ARL15: variants seen among roughly 807,000 people sequenced by gnomAD.
ARL15 encodes the protein ADP-ribosylation factor-like protein 15.
In ARL15, 19 loss-of-function variants were observed where a neutral mutation model predicts 25.2. That is an observed-to-expected ratio of 0.75 (90% confidence interval 0.53 to 1.10). The LOEUF is 1.10. Ranked by LOEUF, ARL15 falls within the 50% of genes least tolerant of loss-of-function variation. The pLI is 0.00. For missense variants in ARL15, 220 were observed against 246.0 expected (o/e 0.89, Z 0.71); for synonymous variants, 94 against 86.8 (o/e 1.08, Z -0.46).
intron 3 of ARL15, among the ~76,000 whole-genome samples, chr5:54,114,444 C>T (rs940941921): frequency 4.2e-5 from 6 of 142,976 alleles, no homozygotes; most frequent in African/African-American, 1.6e-4. Context: ...TGGAGAGTCT[C>T]ATCAGCCAAG....
intron 4 of ARL15, among the ~76,000 whole-genome samples, chr5:54,036,263 A>G (rs1410327322): frequency 1.3e-5 from 2 of 152,214 alleles, no homozygotes; most frequent in Non-Finnish European, 2.9e-5. Context: ...TTACATGTTT[A>G]AAAGTGACTA....
intron 1 of ARL15, among the ~76,000 whole-genome samples, chr5:54,250,437 A>G (rs1757208808): frequency 6.6e-6 from 1 of 152,196 alleles, no homozygotes; most frequent in African/African-American, 2.4e-5. Flanking sequence ...GGAGAACAGG[A>G]AAGAGATCAG....
rs570798930 is a variant in ARL15 at position 54,269,237 on chromosome 5, TAAAA to T, written c.48+41191_48+41194del. On this transcript the variant is annotated intron_variant, in intron 1 of 4. Transcript: ENST00000504924. Reference sequence around the variant, plus strand: ...AAAGTATAATAAGAATAAAATAAAATAAAATAAAATAAAAGAACAAGCTCCTTTT... The same window carrying T: ...AAAGTATAATAAGAATAAAATAAAATTAAAATAAAAGAACAAGCTCCTTTT... 6.2e-3 allele frequency among the ~76,000 whole-genome samples: 950 copies of T among 152,066 alleles called. 7 individuals are homozygous for T. Among genetic ancestry groups the T allele is most frequent in the African/African-American group, 0.022 (909 of 41,468 alleles).
At position 53,928,715 on chromosome 5, in the gene ARL15, T is replaced by TC. The variant is rs1194758067; in HGVS notation, c.463-42003dup. ...AAAAATTTAACAAGGACATTGTTAT[T>TC]CCAGGAAGTGGCTGTCGGGTGATTG... On this transcript the variant is annotated intron_variant, in intron 4 of 4. Transcript: ENST00000504924. 3.9e-5 allele frequency among the ~76,000 whole-genome samples: 6 copies of TC among 152,308 alleles called. No homozygotes were observed. In the East Asian group the frequency reaches 1.2e-3, roughly 29 times the overall value.
intron 2 of ARL15, among the ~76,000 whole-genome samples, chr5:54,156,225 T>C (rs1430798624): frequency 1.3e-5 from 2 of 152,190 alleles, no homozygotes; most frequent in Non-Finnish European, 2.9e-5. Flanking sequence ...CAGTACATAG[T>C]ATATAATGTT....
chr5:54,024,049 A>G (rs1438054801), intron 4 of ARL15, among the ~76,000 whole-genome samples: 1 of 152,228 alleles, frequency 6.6e-6, no homozygotes, highest in Admixed American at 6.5e-5. Context: ...GTGGTGGATT[A>G]ATCACTCTGG....
At chr5:54,087,901 C>G (rs1289864736) in intron 4 of ARL15, among the ~76,000 whole-genome samples, 1 of 152,180 alleles carries the variant, frequency 6.6e-6, no homozygotes, top group East Asian at 1.9e-4. Flanking sequence ...GTCTTGAACT[C>G]CTGACCTCAA....
intron 1 of ARL15, among the ~76,000 whole-genome samples, chr5:54,281,370 C>T (rs1246699337): frequency 1.3e-5 from 2 of 152,176 alleles, no homozygotes; most frequent in Non-Finnish European, 2.9e-5. Flanking sequence ...AAACTCCTGA[C>T]CTCAGGTGAT....
chr5:54,005,207 TATTAA>T (rs1748986618), intron 4 of ARL15, among the ~76,000 whole-genome samples: 2 of 152,136 alleles, frequency 1.3e-5, no homozygotes, highest in South Asian at 4.2e-4. Context: ...CTAAGCAAAC[TATTAA>T]ATTAATGTCA....
chr5:54,021,596 A>G (rs1488779705), intron 4 of ARL15, among the ~76,000 whole-genome samples: 2 of 152,176 alleles, frequency 1.3e-5, no homozygotes, highest in African/African-American at 2.4e-5. Flanking sequence ...AAAGAGAAAA[A>G]GTCTAAAAAC....
intron 4 of ARL15, among the ~76,000 whole-genome samples, chr5:53,940,958 T>C (rs2112084627): frequency 6.6e-6 from 1 of 152,280 alleles, no homozygotes; most frequent in African/African-American, 2.4e-5. Flanking sequence ...TATTATATTG[T>C]CCATTAAAGC....
intron 4 of ARL15, among the ~76,000 whole-genome samples, chr5:53,949,760 T>C (rs1347838507): frequency 6.6e-6 from 1 of 152,216 alleles, no homozygotes; most frequent in African/African-American, 2.4e-5. Context: ...GATTCTATCA[T>C]AATCGCTCAG....
At chr5:54,262,348 A>T (rs928047611) in intron 1 of ARL15, among the ~76,000 whole-genome samples, 1 of 152,196 alleles carries the variant, frequency 6.6e-6, no homozygotes, top group African/African-American at 2.4e-5. Context: ...GAAGGCCCAG[A>T]TTATAAAATA....
At chr5:54,001,461 G>C (rs1364972215) in intron 4 of ARL15, among the ~76,000 whole-genome samples, 2 of 152,028 alleles carry the variant, frequency 1.3e-5, no homozygotes, top group African/African-American at 2.4e-5. Flanking sequence ...AAATCTATCT[G>C]GTTTCCAGAA....
At chr5:54,252,816 C>G (rs1757269344) in intron 1 of ARL15, among the ~76,000 whole-genome samples, 1 of 152,264 alleles carries the variant, frequency 6.6e-6, no homozygotes, top group East Asian at 1.9e-4. Context: ...CCTCTGCCTC[C>G]GGGCTCAAGC....
intron 1 of ARL15, among the ~76,000 whole-genome samples, chr5:54,223,536 G>A (rs1349627546): frequency 2.6e-5 from 4 of 152,034 alleles, no homozygotes; most frequent in African/African-American, 7.3e-5. Flanking sequence ...AAACTATTTG[G>A]CCCACTAGGC....
chr5:54,257,935 T>C (rs1389956244), intron 1 of ARL15, among the ~76,000 whole-genome samples: 1 of 152,096 alleles, frequency 6.6e-6, no homozygotes, highest in African/African-American at 2.4e-5. Flanking sequence ...TTGCAAAACA[T>C]ACTTAAGTGG....
intron 3 of ARL15, among the ~76,000 whole-genome samples, chr5:54,153,658 T>A (rs576984189): frequency 6.6e-6 from 1 of 152,284 alleles, no homozygotes; most frequent in African/African-American, 2.4e-5. Flanking sequence ...GAAGCGAACC[T>A]GTCCTACACA....
intron 4 of ARL15, among the ~76,000 whole-genome samples, chr5:53,907,482 ATATATATTT>A (rs1177719489): frequency 9.6e-5 from 3 of 31,328 alleles, no homozygotes; most frequent in Admixed American, 8.7e-4. Context: ...ATATATATAT[ATATATATTT>A]TTTTTTTTTT....
Sources: gnomAD v4.1 joint callset for allele counts (sites outside exome capture counted in the v4.1 genomes callset) on GRCh38, gnomAD v4.1.1 for gene constraint, MANE v1.5 for transcripts, NCBI Gene and HGNC (gene_info 2026-07-23, HGNC 2026-07-21) for gene names.